CNTN5: variants seen among roughly 807,000 people sequenced by gnomAD.
CNTN5 encodes the protein contactin-5.
A neutral mutation model predicts 129.1 loss-of-function variants in CNTN5; 77 were observed. The ratio of observed to expected loss-of-function variants is 0.60; its 90% CI spans 0.50 to 0.72. CNTN5 has a LOEUF of 0.72. Among genes scored for constraint, CNTN5 ranks in the 30% least tolerant of loss-of-function variants. CNTN5 has a pLI of 0.00. For missense variants in CNTN5, 1,478 were observed against 1,328.8 expected, an observed-to-expected ratio of 1.11 and a Z score of -1.75; for synonymous variants, 509 against 465.6, an observed-to-expected ratio of 1.09 and a Z score of -1.20.
At position 100,254,400 on chromosome 11, in the gene CNTN5, A is replaced by G. The variant is rs139630342; in HGVS notation, c.2006-1360A>G. On this transcript the variant is annotated intron_variant, in intron 16 of 24. Transcript: ENST00000524871. ...TCAACGTTTCCCCTTACCATCTCGA[A>G]AACTTTAATTATTTTGCTTCCTTCA... Among the ~76,000 whole-genome samples the G allele has an allele frequency of 7.9e-5, 12 of 152,262 alleles. No individual in the cohort carries two copies. In the East Asian group the frequency reaches 2.3e-3, roughly 29 times the overall value.
At chr11:99,506,292 A>G (rs1394177055) in intron 2 of CNTN5, among the ~76,000 whole-genome samples, 5 of 152,210 alleles carry the variant, frequency 3.3e-5, no homozygotes, top group African/African-American at 1.2e-4. Flanking sequence ...ATCTTTGTTG[A>G]AAAAGAAAAA....
At chr11:99,323,263 A>T (rs1865642871) in intron 1 of CNTN5, among the ~76,000 whole-genome samples, 1 of 152,158 alleles carries the variant, frequency 6.6e-6, no homozygotes, top group Non-Finnish European at 1.5e-5. Context: ...TAGAAACTTA[A>T]AGAAGTCTGA....
chr11:99,137,703 C>T (rs1233494183), intron 1 of CNTN5, among the ~76,000 whole-genome samples: 1 of 152,124 alleles, frequency 6.6e-6, no homozygotes, highest in Admixed American at 6.6e-5. Flanking sequence ...GACACCCTCA[C>T]CTGACATTTA....
At chr11:99,428,219 T>G (rs1267483783) in intron 2 of CNTN5, among the ~76,000 whole-genome samples, 1 of 151,956 alleles carries the variant, frequency 6.6e-6, no homozygotes, top group African/African-American at 2.4e-5. Flanking sequence ...AAACAACCTT[T>G]GAATTAAACA....
chr11:99,631,363 C>A (rs1951341204), intron 3 of CNTN5, among the ~76,000 whole-genome samples: 1 of 151,968 alleles, frequency 6.6e-6, no homozygotes. Flanking sequence ...ATAGTAATAG[C>A]ATTAGTAAAA....
intron 1 of CNTN5, among the ~76,000 whole-genome samples, chr11:99,263,435 A>G (rs1237443406): frequency 6.6e-6 from 1 of 152,172 alleles, no homozygotes; most frequent in Non-Finnish European, 1.5e-5. Flanking sequence ...AAAGTCTATT[A>G]CATGTGAAAA....
rs564887014 is a variant in CNTN5 at position 100,067,755 on chromosome 11, GA to G, written c.1163-2668del. Among the ~76,000 whole-genome samples the G allele has an allele frequency of 2.4e-4, 36 of 151,710 alleles. No homozygotes were observed. The South Asian group carries it at 7.5e-3, about 32-fold the overall frequency. Reference sequence around the variant, plus strand: ...AATGGCCTTTCACCCACTAGAGTTTGAGCTTACAGCAAACAGATATGATAGC... The same window carrying G: ...AATGGCCTTTCACCCACTAGAGTTTGGCTTACAGCAAACAGATATGATAGC... On this transcript the variant is annotated intron_variant, in intron 10 of 24. Transcript: ENST00000524871.
At chr11:99,161,680 T>C (rs1432683990) in intron 1 of CNTN5, among the ~76,000 whole-genome samples, 1 of 152,152 alleles carries the variant, frequency 6.6e-6, no homozygotes, top group African/African-American at 2.4e-5. Flanking sequence ...AACCTTAATT[T>C]TTCTAAAGCC....
intron 7 of CNTN5, among the ~76,000 whole-genome samples, chr11:99,932,367 A>AT (rs557581300): frequency 4.6e-4 from 70 of 151,886 alleles, no homozygotes; most frequent in South Asian, 3.8e-3. Context: ...TAATTTTTGT[A>AT]TTTTTAGTAG....
intron 7 of CNTN5, among the ~76,000 whole-genome samples, chr11:99,932,600 A>G (rs1046690273): frequency 6.6e-6 from 1 of 152,148 alleles, no homozygotes; most frequent in African/African-American, 2.4e-5. Context: ...CTTATCAGCA[A>G]TGTGACTTTG....
intron 2 of CNTN5, among the ~76,000 whole-genome samples, chr11:99,478,772 A>G (rs566645089): frequency 5.3e-5 from 8 of 152,306 alleles, no homozygotes; most frequent in African/African-American, 1.9e-4. Flanking sequence ...TAAGAATGCT[A>G]CATGACTTCA....
intron 1 of CNTN5, among the ~76,000 whole-genome samples, chr11:99,146,624 A>G (rs1051443742): frequency 2.0e-5 from 3 of 152,190 alleles, no homozygotes; most frequent in Non-Finnish European, 4.4e-5. Context: ...TTTTCAGGGG[A>G]AAAATGATCT....
intron 13 of CNTN5, among the ~76,000 whole-genome samples, chr11:100,188,602 G>A (rs1597841): frequency 0.76 from 116,217 of 152,134 alleles, 45,134 homozygotes; most frequent in East Asian, 0.95. Flanking sequence ...ATGCTGGTGA[G>A]GCTGTGGAGA....
chr11:100,035,818 G>A (rs986201713), intron 9 of CNTN5, among the ~76,000 whole-genome samples: 1 of 151,762 alleles, frequency 6.6e-6, no homozygotes, highest in African/African-American at 2.4e-5. Flanking sequence ...TGATGGGGTT[G>A]TTTTTTTCTT....
intron 9 of CNTN5, among the ~76,000 whole-genome samples, chr11:100,021,140 G>C (rs1941117744): frequency 1.3e-5 from 2 of 151,978 alleles, no homozygotes; most frequent in South Asian, 4.1e-4. Flanking sequence ...CTGTCTTTCT[G>C]TTATTAATTT....
intron 1 of CNTN5, among the ~76,000 whole-genome samples, chr11:99,177,919 T>A (rs1159193081): frequency 6.6e-6 from 1 of 151,868 alleles, no homozygotes; most frequent in East Asian, 1.9e-4. Context: ...AAGATTAACA[T>A]CAAAAGCAGC....
intron 6 of CNTN5, among the ~76,000 whole-genome samples, chr11:99,911,324 C>T (rs1373982007): frequency 6.6e-6 from 1 of 151,950 alleles, no homozygotes; most frequent in Non-Finnish European, 1.5e-5. Context: ...TGTATAGCCA[C>T]GAATACCTCA....
chr11:99,989,750 T>G (rs1403063098), intron 8 of CNTN5, among the ~76,000 whole-genome samples: 1 of 152,182 alleles, frequency 6.6e-6, no homozygotes, highest in Non-Finnish European at 1.5e-5. Context: ...TTATAAAATT[T>G]TAAAAGTTTG....
chr11:99,091,298 T>C (rs1164384365), intron 1 of CNTN5, among the ~76,000 whole-genome samples: 1 of 152,178 alleles, frequency 6.6e-6, no homozygotes, highest in Non-Finnish European at 1.5e-5. Context: ...CTGCACACCT[T>C]GAATCCAGGT....
Sources: gnomAD v4.1 joint callset for allele counts (sites outside exome capture counted in the v4.1 genomes callset) on GRCh38, gnomAD v4.1.1 for gene constraint, MANE v1.5 for transcripts, NCBI Gene and HGNC (gene_info 2026-07-23, HGNC 2026-07-21) for gene names.